Variants in FARP1 observed in about 807,000 individuals in gnomAD.
The protein encoded by FARP1 is FERM, ARHGEF and pleckstrin domain-containing protein 1.
In FARP1, 52 loss-of-function variants were observed where a neutral mutation model predicts 128.8. That is an observed-to-expected ratio of 0.40 (90% CI 0.32 to 0.51). FARP1 has a LOEUF of 0.51. Ranked by LOEUF, FARP1 falls within the 20% of genes least tolerant of loss-of-function variation. The pLI, the probability that FARP1 is intolerant of heterozygous loss-of-function variation, is 0.45. For synonymous variants in FARP1, 580 were observed against 551.8 expected, an observed-to-expected ratio of 1.05 and a Z score of -0.72; for missense variants, 1,333 against 1,367.9, an observed-to-expected ratio of 0.97 and a Z score of 0.40.
intron 9 of FARP1, 145 bp downstream of exon 9, chr13:98,388,623 T>A (rs1890189136): frequency 1.5e-6 from 1 of 651,128 alleles, no homozygotes; most frequent in South Asian, 1.7e-5. Context: ...ACGCCGAGCG[T>A]CTCTAGGACA....
intron 3 of FARP1, among the ~76,000 whole-genome samples, chr13:98,349,669 A>C (rs1566905963): frequency 1.0e-5 from 1 of 97,086 alleles, no homozygotes; most frequent in Admixed American, 1.2e-4. Flanking sequence ...GACCCATCTC[A>C]GGGAAAAAAA....
intron 3 of FARP1, among the ~76,000 whole-genome samples, chr13:98,352,298 C>T (rs1246274551): frequency 6.6e-6 from 1 of 152,134 alleles, no homozygotes; most frequent in Non-Finnish European, 1.5e-5. Context: ...CTCAAATTGC[C>T]ACTGGAAATC....
chr13:98,439,812 C>CA (rs1892448197), intron 21 of FARP1, 149 bp from the exon 22 acceptor site: 4 of 609,902 alleles, frequency 6.6e-6, no homozygotes, highest in African/African-American at 5.5e-5. Flanking sequence ...TTTTCCAACT[C>CA]AGAGTGCCTT....
intron 1 of FARP1, among the ~76,000 whole-genome samples, chr13:98,198,656 C>T (rs2139259727): frequency 6.6e-6 from 1 of 152,056 alleles, no homozygotes; most frequent in Non-Finnish European, 1.5e-5. Flanking sequence ...GAGGGCGGAT[C>T]ACTTAAGGCC....
intron 3 of FARP1, among the ~76,000 whole-genome samples, chr13:98,348,767 A>C (rs1335601491): frequency 6.6e-6 from 1 of 152,218 alleles, no homozygotes; most frequent in African/African-American, 2.4e-5. Flanking sequence ...CCACTGAAAA[A>C]TGTAAAAGCC....
At chr13:98,168,918 A>C (rs921933186) in intron 1 of FARP1, among the ~76,000 whole-genome samples, 1 of 152,218 alleles carries the variant, frequency 6.6e-6, no homozygotes, top group Non-Finnish European at 1.5e-5. Context: ...TGTGGTTTGC[A>C]GTGCAGTCTT....
intron 2 of FARP1, chr13:98,233,990 A>G (rs1401044345): frequency 2.0e-5 from 3 of 152,104 alleles, no homozygotes; most frequent in African/African-American, 2.4e-5. Context: ...TCTGCCTCCA[A>G]CTCTGAGGGT....
chr13:98,199,792 G>A (rs1475766594), intron 1 of FARP1, among the ~76,000 whole-genome samples: 1 of 152,194 alleles, frequency 6.6e-6, no homozygotes, highest in Non-Finnish European at 1.5e-5. Context: ...CTGGAAGCTG[G>A]TGGCTATCTT....
chr13:98,191,680 T>G (rs1879234594), intron 1 of FARP1, among the ~76,000 whole-genome samples: 1 of 152,280 alleles, frequency 6.6e-6, no homozygotes, highest in Middle Eastern at 3.4e-3. Context: ...CAGTGGCTCA[T>G]GCCTGTAATC....
chr13:98,260,241 T>A (rs1454673597), intron 2 of FARP1, among the ~76,000 whole-genome samples: 3 of 152,126 alleles, frequency 2.0e-5, no homozygotes, highest in Non-Finnish European at 4.4e-5. Context: ...ATGAAGAAGG[T>A]ATTATGTGTT....
At chr13:98,344,754 G>A (rs1469001622) in intron 3 of FARP1, among the ~76,000 whole-genome samples, 4 of 152,200 alleles carry the variant, frequency 2.6e-5, no homozygotes, top group Non-Finnish European at 5.9e-5. Flanking sequence ...AGCAGGTGGT[G>A]AATGAACGGA....
At chr13:98,355,180 A>G (rs550034234) in intron 3 of FARP1, among the ~76,000 whole-genome samples, 1 of 152,102 alleles carries the variant, frequency 6.6e-6, no homozygotes, top group Admixed American at 6.5e-5. Context: ...AAACCCCTCT[A>G]CAAAAAATAC....
chr13:98,151,525 G>C (rs1875996199), intron 1 of FARP1, among the ~76,000 whole-genome samples: 1 of 152,054 alleles, frequency 6.6e-6, no homozygotes, highest in Non-Finnish European at 1.5e-5. Context: ...ATAAACATTG[G>C]TTGATTTGAA....
chr13:98,330,660 CA>C (rs1887467799), intron 2 of FARP1, among the ~76,000 whole-genome samples: 1 of 151,746 alleles, frequency 6.6e-6, no homozygotes. Flanking sequence ...GAGGCTGAGG[CA>C]GGAGAATCAC....
intron 8 of FARP1, among the ~76,000 whole-genome samples, chr13:98,387,939 C>T (rs562804727): frequency 1.3e-4 from 20 of 152,282 alleles, no homozygotes; most frequent in African/African-American, 4.8e-4. Context: ...TAAAATAAAT[C>T]CACGTTGCAG....
intron 2 of FARP1, among the ~76,000 whole-genome samples, chr13:98,322,018 C>G (rs1261192139): frequency 6.6e-6 from 1 of 152,184 alleles, no homozygotes; most frequent in Non-Finnish European, 1.5e-5. Context: ...TAGCACAGGG[C>G]CAGGAGCGGT....
At chr13:98,185,256 T>A (rs1449374422) in intron 1 of FARP1, among the ~76,000 whole-genome samples, 2 of 152,122 alleles carry the variant, frequency 1.3e-5, no homozygotes, top group African/African-American at 4.8e-5. Flanking sequence ...TTCCTGAAAA[T>A]TTAACAGCAG....
intron 2 of FARP1, among the ~76,000 whole-genome samples, chr13:98,265,520 C>T (rs1190014038): frequency 6.6e-6 from 1 of 150,810 alleles, no homozygotes; most frequent in Non-Finnish European, 1.5e-5. Context: ...GGGGTTTCAC[C>T]GTTTTAGCCG....
intron 2 of FARP1, among the ~76,000 whole-genome samples, chr13:98,247,672 A>G (rs1883136143): frequency 6.6e-6 from 1 of 152,210 alleles, no homozygotes; most frequent in African/African-American, 2.4e-5. Flanking sequence ...AGGTGAGCAA[A>G]GGTTGGTAGG....
Sources: gnomAD v4.1 joint callset for allele counts (sites outside exome capture counted in the v4.1 genomes callset) on GRCh38, gnomAD v4.1.1 for gene constraint, MANE v1.5 for transcripts, NCBI Gene and HGNC (gene_info 2026-07-23, HGNC 2026-07-21) for gene names.